The following DCAF8L2 variants were observed in gnomAD, a reference collection of about 807,000 sequenced individuals.
DCAF8L2 encodes the protein DDB1- and CUL4-associated factor 8-like protein 2.
For synonymous variants in DCAF8L2, 200 were observed against 190.9 expected, an observed-to-expected ratio of 1.05 and a Z score of -0.39; for missense variants, 430 against 490.7, an observed-to-expected ratio of 0.88 and a Z score of 1.17.
the DCAF8L2 span, among the ~76,000 whole-genome samples, chrX:27,542,916 T>C: frequency 9.0e-6 from 1 of 111,727 alleles, no homozygotes; most frequent in Non-Finnish European, 1.9e-5. Flanking sequence ...TTGTAAATAT[T>C]TTCTCCTATT....
Position 27,653,973 on chromosome X carries a change from G to A in DCAF8L2, c.-220+21973G>A, listed in dbSNP as rs145629791. On this transcript the variant is annotated intron_variant, in intron 2 of 4. Coordinates refer to ENST00000451261, the MANE Select transcript of DCAF8L2 (RefSeq NM_001353450.2). ...AATTATTAACGTGCATAAATATTCCGTTTCCCCTCTCCTTCCAGGCACTTG... is the reference window on the plus strand; with the variant it reads ...AATTATTAACGTGCATAAATATTCCATTTCCCCTCTCCTTCCAGGCACTTG... Among the ~76,000 whole-genome samples, 883 of 111,256 alleles carry A rather than the reference G, an allele frequency of 7.9e-3. 6 individuals are homozygous for A. The highest frequency in any genetic ancestry group is 0.027 in the African/African-American group (841 of 30,610).
intron 4 of DCAF8L2, among the ~76,000 whole-genome samples, chrX:27,723,250 G>T (rs1025813213): frequency 9.2e-6 from 1 of 108,585 alleles, no homozygotes; most frequent in Non-Finnish European, 1.9e-5. Context: ...AGTAATAAAT[G>T]TTTCTAAATT....
At chrX:27,742,066 T>G (rs974205773) in intron 4 of DCAF8L2, among the ~76,000 whole-genome samples, 3 of 112,128 alleles carry the variant, frequency 2.7e-5, no homozygotes, top group African/African-American at 9.7e-5. Context: ...AATAGGAACT[T>G]CCAATTCTAG....
At chrX:27,617,247 A>G (rs1207937569) in intron 1 of DCAF8L2, among the ~76,000 whole-genome samples, 2 of 111,121 alleles carry the variant, frequency 1.8e-5, no homozygotes, top group Admixed American at 9.7e-5. Flanking sequence ...ATAAATATAT[A>G]GATATTTAGA....
intron 1 of DCAF8L2, among the ~76,000 whole-genome samples, chrX:27,602,462 A>G (rs985226612): frequency 8.9e-6 from 1 of 112,049 alleles, no homozygotes; most frequent in Non-Finnish European, 1.9e-5. Flanking sequence ...GTAACACCTA[A>G]TATGATTCTA....
chrX:27,633,537 C>G (rs975398588), intron 2 of DCAF8L2: 24 of 111,536 alleles, frequency 2.2e-4, no homozygotes, highest in Admixed American at 1.8e-3. Context: ...AACCCTTGCT[C>G]GGTGCACCTA....
At chrX:27,661,398 G>A (rs183935208) in intron 2 of DCAF8L2, among the ~76,000 whole-genome samples, 1 of 111,639 alleles carries the variant, frequency 9.0e-6, no homozygotes, top group Non-Finnish European at 1.9e-5. Flanking sequence ...ACTTCCATTT[G>A]ACTTGTGGTT....
intron 2 of DCAF8L2, among the ~76,000 whole-genome samples, chrX:27,668,848 T>C (rs1257008790): frequency 9.1e-6 from 1 of 109,362 alleles, no homozygotes; most frequent in Non-Finnish European, 1.9e-5. Context: ...AGCAGGAGAA[T>C]CGCTTGAATC....
At chrX:27,609,692 T>C (rs1927070588) in intron 1 of DCAF8L2, among the ~76,000 whole-genome samples, 1 of 111,482 alleles carries the variant, frequency 9.0e-6, no homozygotes, top group African/African-American at 3.3e-5. Flanking sequence ...GATGCTCTTA[T>C]AGAAAATGTA....
chrX:27,559,664 G>C, the DCAF8L2 span, among the ~76,000 whole-genome samples: 1 of 111,686 alleles, frequency 9.0e-6, no homozygotes, highest in Admixed American at 9.5e-5. Flanking sequence ...ATAGTTCTAG[G>C]ACTGGGATGG....
At chrX:27,694,338 C>T (rs1930818778) in intron 3 of DCAF8L2, among the ~76,000 whole-genome samples, 1 of 111,662 alleles carries the variant, frequency 9.0e-6, no homozygotes, top group African/African-American at 3.3e-5. Context: ...TGCACATGTA[C>T]TCTTTGAATC....
At chrX:27,494,009 A>G in the DCAF8L2 span, among the ~76,000 whole-genome samples, 1 of 111,823 alleles carries the variant, frequency 8.9e-6, no homozygotes, top group East Asian at 2.8e-4. Context: ...CAGTTGAAGG[A>G]CATCCCAAAT....
intron 2 of DCAF8L2, among the ~76,000 whole-genome samples, chrX:27,669,088 T>C (rs1929849962): frequency 9.0e-6 from 1 of 111,625 alleles, no homozygotes; most frequent in South Asian, 3.7e-4. Flanking sequence ...GAATAGTCTA[T>C]ATTTCCCAAT....
the DCAF8L2 span, among the ~76,000 whole-genome samples, chrX:27,514,137 CAT>C: frequency 1.4e-4 from 15 of 110,738 alleles, no homozygotes; most frequent in Non-Finnish European, 1.5e-4. Context: ...TATATGTACA[CAT>C]ATGTATATGT....
At chrX:27,482,527 T>C in the DCAF8L2 span, among the ~76,000 whole-genome samples, 1 of 111,272 alleles carries the variant, frequency 9.0e-6, no homozygotes, top group African/African-American at 3.3e-5. Context: ...GTGTAGGGAA[T>C]GTAAATGTGG....
chrX:27,728,001 C>A (rs749762028), intron 4 of DCAF8L2, among the ~76,000 whole-genome samples: 5 of 111,421 alleles, frequency 4.5e-5, no homozygotes, highest in Non-Finnish European at 7.5e-5. Flanking sequence ...CTAGTTCTAC[C>A]TGGGTTCTGA....
At chrX:27,587,985 A>AAAAAATATATATAT, upstream of DCAF8L2, among the ~76,000 whole-genome samples, 6 of 22,352 alleles carry the variant, frequency 2.7e-4, no homozygotes, top group Non-Finnish European at 4.6e-4. Flanking sequence ...TAAAAAAAAA[A>AAAAAATATATATAT]ATATATATAT....
At chrX:27,482,710 A>T in the DCAF8L2 span, among the ~76,000 whole-genome samples, 1 of 112,026 alleles carries the variant, frequency 8.9e-6, no homozygotes. Flanking sequence ...CGTTAGAAAG[A>T]ACTTGAAAAT....
chrX:27,554,679 A>C, the DCAF8L2 span, among the ~76,000 whole-genome samples: 20 of 111,783 alleles, frequency 1.8e-4, no homozygotes, highest in African/African-American at 6.5e-4. Flanking sequence ...ATCATGCATC[A>C]TTTGAAAAAC....
Sources: gnomAD v4.1 joint callset for allele counts (sites outside exome capture counted in the v4.1 genomes callset) on GRCh38, gnomAD v4.1.1 for gene constraint, MANE v1.5 for transcripts, NCBI Gene and HGNC (gene_info 2026-07-23, HGNC 2026-07-21) for gene names.